Variants in COL4A2 observed in about 807,000 individuals in gnomAD.
COL4A2 encodes the protein collagen alpha-2(IV) chain.
A neutral mutation model predicts 200.2 loss-of-function variants in COL4A2; 99 were observed. The observed-to-expected ratio is 0.49, with a 90% CI of 0.42 to 0.58. The LOEUF (loss-of-function observed/expected upper bound fraction) is 0.58, where lower values mean the gene tolerates loss of function less well. Ranked by LOEUF, COL4A2 falls within the 20% of genes least tolerant of loss-of-function variation. The probability of loss-of-function intolerance (pLI) is 0.00; values close to 1 mark genes in which losing one functional copy is unlikely to be tolerated. For synonymous variants in COL4A2, 897 were observed against 900.6 expected (o/e 1.00, Z 0.07); for missense variants, 1,950 against 2,314.1 (o/e 0.84, Z 3.23).
At chr13:110,496,302 G>T (rs1379973214) in intron 40 of COL4A2, among the ~76,000 whole-genome samples, 2 of 152,198 alleles carry the variant, frequency 1.3e-5, no homozygotes, top group Non-Finnish European at 2.9e-5. Context: ...CTGGGGTGCA[G>T]GGATGTCTCG....
intron 4 of COL4A2, among the ~76,000 whole-genome samples, chr13:110,406,452 A>G (rs942833645): frequency 6.6e-6 from 1 of 152,228 alleles, no homozygotes; most frequent in African/African-American, 2.4e-5. Context: ...AAGACCCTGC[A>G]TGCAATTCTA....
At chr13:110,376,479 C>CA (rs374440119) in intron 4 of COL4A2, among the ~76,000 whole-genome samples, 1,777 of 150,166 alleles carry the variant, frequency 0.012, 14 homozygotes, top group African/African-American at 0.015. Context: ...CCCCCCCACC[C>CA]AAAAAAAAAT....
At position 110,513,111 on chromosome 13, in the gene COL4A2, G is replaced by A. The variant is rs1344810449; in HGVS notation, c.*920G>A. The A allele has an allele frequency of 1.3e-5, 2 of 152,126 alleles. No homozygotes were observed. Among genetic ancestry groups the A allele is most frequent in the East Asian group, 1.9e-4 (1 of 5,202 alleles). The allele number at this position is 152,126 out of a possible 1,614,324, so 9.4% of individuals were successfully genotyped here. On this transcript the variant is annotated 3_prime_UTR_variant, in exon 48 of 48. Transcript: ENST00000360467. ...GATGCGAGGCACAGCGTCCGCCCACGCTGCTGTTTTTAATCCATCTCAGTA... is the reference window on the plus strand; with the variant it reads ...GATGCGAGGCACAGCGTCCGCCCACACTGCTGTTTTTAATCCATCTCAGTA...
At chr13:110,452,298 G>T (rs1044092955) in intron 20 of COL4A2, among the ~76,000 whole-genome samples, 6 of 150,800 alleles carry the variant, frequency 4.0e-5, no homozygotes, top group African/African-American at 1.5e-4. Flanking sequence ...GCGCAGCTGG[G>T]ACCACAGGCG....
chr13:110,469,469 A>G, intron 28 of COL4A2, 145 bp downstream of exon 28: 3 of 859,020 alleles, frequency 3.5e-6, no homozygotes. Flanking sequence ...TCCTTGGGAG[A>G]TTAGAAATTC....
chr13:110,319,114 G>A lies in COL4A2; in HGVS notation c.99+10991G>A, dbSNP rs558569843. On this transcript the variant is annotated intron_variant, in intron 3 of 47. Transcript: ENST00000360467. ...GTGGGTCAGCAGGACTGGTGGGTGCGGGGGCCTGTGGGGGGAGGTTTTAGT... is the reference window on the plus strand; with the variant it reads ...GTGGGTCAGCAGGACTGGTGGGTGCAGGGGCCTGTGGGGGGAGGTTTTAGT... Among the ~76,000 whole-genome samples, 21 of 151,818 alleles carry A rather than the reference G, an allele frequency of 1.4e-4. No homozygotes were observed. In the East Asian group the frequency reaches 2.3e-3, roughly 17 times the overall value.
At chr13:110,319,458 T>C (rs1885225735) in intron 3 of COL4A2, among the ~76,000 whole-genome samples, 1 of 152,114 alleles carries the variant, frequency 6.6e-6, no homozygotes, top group East Asian at 1.9e-4. Flanking sequence ...GACATAAAAA[T>C]GCAGAACAGA....
chr13:110,499,485 T>C (rs1371527312), intron 40 of COL4A2, among the ~76,000 whole-genome samples: 1 of 151,804 alleles, frequency 6.6e-6, no homozygotes, highest in Non-Finnish European at 1.5e-5. Context: ...TCCCACCAGG[T>C]CCCTCCTACG....
rs770960526 is a variant in COL4A2, at chr13:110,438,472, T to TGC, written c.862-143_862-142dup. On this transcript the variant is annotated intron_variant, in intron 14 of 47. Coordinates refer to ENST00000360467, the MANE Select transcript of COL4A2 (RefSeq NM_001846.4). ...GGTCTCCTAGGACCGTGCCCTGCAC[T>TGC]GCGCCTGAGTTGAGCATCGCCAGGC... The TGC allele has an allele frequency of 1.1e-4, 122 of 1,088,682 alleles. 2 individuals carry two copies. The South Asian group carries it at 1.5e-3, about 13-fold the overall frequency. The allele number at this position is 1,088,682 out of a possible 1,614,324, so 67.4% of individuals were successfully genotyped here. A position where few individuals can be genotyped will look rare whatever the true frequency, so the allele number is the denominator to read the frequency against.
At chr13:110,338,050 C>T (rs1385467330) in intron 3 of COL4A2, among the ~76,000 whole-genome samples, 1 of 152,092 alleles carries the variant, frequency 6.6e-6, no homozygotes, top group Non-Finnish European at 1.5e-5. Flanking sequence ...CCATTTATGC[C>T]ACCGTGATAG....
chr13:110,373,174 C>T (rs1336904497), intron 4 of COL4A2, among the ~76,000 whole-genome samples: 1 of 152,206 alleles, frequency 6.6e-6, no homozygotes, highest in African/African-American at 2.4e-5. Flanking sequence ...CACATGTGGG[C>T]TGCAGAATAT....
At chr13:110,469,930 A>T (rs55944042) in intron 28 of COL4A2, among the ~76,000 whole-genome samples, 72,742 of 108,354 alleles carry the variant, frequency 0.67, 21,335 homozygotes, top group Middle Eastern at 0.76. Context: ...TTTTTTTTTT[A>T]ATGAAATGGA....
At position 110,386,608 on chromosome 13, in the gene COL4A2, T is replaced by C. The variant is rs570973166; in HGVS notation, c.180+29056T>C. On this transcript the variant is annotated intron_variant, in intron 4 of 47. Transcript: ENST00000360467. ...TGGAGAAGTGCTATTGCTATTATAATTGTGTAATAGTATGTAATACATTGA... is the reference window on the plus strand; with the variant it reads ...TGGAGAAGTGCTATTGCTATTATAACTGTGTAATAGTATGTAATACATTGA... 1.1e-4 allele frequency among the ~76,000 whole-genome samples: 17 copies of C among 152,342 alleles called. No homozygotes were observed. The South Asian group carries it at 3.5e-3, about 32-fold the overall frequency.
At chr13:110,424,058 C>T (rs1048580964) in intron 4 of COL4A2, among the ~76,000 whole-genome samples, 3 of 152,072 alleles carry the variant, frequency 2.0e-5, no homozygotes, top group African/African-American at 2.4e-5. Context: ...GAAGTGGAAT[C>T]GTGGGATCCC....
intron 4 of COL4A2, among the ~76,000 whole-genome samples, chr13:110,378,304 G>C (rs1878327315): frequency 6.6e-6 from 1 of 152,212 alleles, no homozygotes; most frequent in Non-Finnish European, 1.5e-5. Flanking sequence ...AGGAAATACA[G>C]ACAAGGGAGG....
intron 4 of COL4A2, among the ~76,000 whole-genome samples, chr13:110,366,999 A>G (rs766655525): frequency 2.0e-5 from 3 of 152,136 alleles, no homozygotes; most frequent in African/African-American, 4.8e-5. Flanking sequence ...TCCAAAGGCC[A>G]TATGTCCCCA....
chr13:110,406,995 C>T (rs1165548598), intron 4 of COL4A2, among the ~76,000 whole-genome samples: 2 of 152,198 alleles, frequency 1.3e-5, no homozygotes, highest in Non-Finnish European at 2.9e-5. Flanking sequence ...CAAGAGGCGG[C>T]TGGTATCCAA....
intron 20 of COL4A2, among the ~76,000 whole-genome samples, chr13:110,455,165 T>C (rs1003670250): frequency 6.6e-6 from 1 of 152,160 alleles, no homozygotes; most frequent in Non-Finnish European, 1.5e-5. Context: ...CAGACTCACA[T>C]GGCAGACCGC....
intron 4 of COL4A2, among the ~76,000 whole-genome samples, chr13:110,381,523 A>G (rs2139411652): frequency 6.6e-6 from 1 of 152,376 alleles, no homozygotes; most frequent in East Asian, 1.9e-4. Flanking sequence ...TCTTTCTGCC[A>G]GGTGGGTCCT....
Sources: gnomAD v4.1 joint callset for allele counts (sites outside exome capture counted in the v4.1 genomes callset) on GRCh38, gnomAD v4.1.1 for gene constraint, MANE v1.5 for transcripts, NCBI Gene and HGNC (gene_info 2026-07-23, HGNC 2026-07-21) for gene names.